DLGAP1: variants seen among roughly 807,000 people sequenced by gnomAD.
The protein encoded by DLGAP1 is DLG associated protein 1.
In DLGAP1, 11 loss-of-function variants were observed where a neutral mutation model predicts 90.8. That is an observed-to-expected ratio of 0.12 (90% confidence interval 0.08 to 0.20). The LOEUF (loss-of-function observed/expected upper bound fraction) is 0.20. Ranked by LOEUF, DLGAP1 falls within the 10% of genes least tolerant of loss-of-function variation. The pLI is 1.00. For missense variants in DLGAP1, 1,050 were observed against 1,333.8 expected, an observed-to-expected ratio of 0.79 and a Z score of 3.31; for synonymous variants, 558 against 540.7, an observed-to-expected ratio of 1.03 and a Z score of -0.44.
chr18:3,863,613 C>T (rs992102035), intron 4 of DLGAP1, among the ~76,000 whole-genome samples: 2 of 152,224 alleles, frequency 1.3e-5, no homozygotes, highest in Admixed American at 6.5e-5. Context: ...CTATCCACAG[C>T]GTCCATGCCA....
At chr18:3,692,600 G>A (rs777052947) in intron 7 of DLGAP1, among the ~76,000 whole-genome samples, 19 of 151,548 alleles carry the variant, frequency 1.3e-4, no homozygotes, top group Non-Finnish European at 2.7e-4. Context: ...CCCTGTTTCT[G>A]CAAGCGAGGG....
intron 10 of DLGAP1, among the ~76,000 whole-genome samples, chr18:3,513,821 A>C (rs1419291601): frequency 6.6e-6 from 1 of 152,182 alleles, no homozygotes. Flanking sequence ...TTTAGAAGAG[A>C]GCATACCTCC....
rs77346262 is a variant in DLGAP1 at position 4,380,980 on chromosome 18, C to G, written c.-267+74026G>C. ...GTGAGGCACACCCTATTTTCACATT[C>G]GAGGAGCTTTAGCTGACAATCAAGA... On this transcript the variant is annotated intron_variant, in intron 1 of 12. Coordinates refer to ENST00000315677, the MANE Select transcript of DLGAP1 (RefSeq NM_004746.4). Among the ~76,000 whole-genome samples, 781 of 152,260 alleles carry G rather than the reference C, an allele frequency of 5.1e-3. 4 individuals are homozygous for G. Among genetic ancestry groups the G allele is most frequent in the Middle Eastern group, 0.02 (6 of 294 alleles).
intron 1 of DLGAP1, among the ~76,000 whole-genome samples, chr18:4,214,326 T>TG (rs2077907608): frequency 6.9e-6 from 1 of 145,616 alleles, no homozygotes; most frequent in Admixed American, 6.9e-5. Flanking sequence ...TTTTTTTTGG[T>TG]GGGGGGAAAA....
intron 3 of DLGAP1, among the ~76,000 whole-genome samples, chr18:3,933,635 C>G (rs1182388937): frequency 6.6e-6 from 1 of 152,174 alleles, no homozygotes; most frequent in Non-Finnish European, 1.5e-5. Flanking sequence ...TTCCTGAAAG[C>G]CTAGCCCTCC....
chr18:3,675,004 C>T (rs949035088), intron 7 of DLGAP1, among the ~76,000 whole-genome samples: 6 of 151,450 alleles, frequency 4.0e-5, no homozygotes, highest in African/African-American at 7.3e-5. Context: ...CTATCAGTAC[C>T]GAGTCCACCA....
At chr18:4,397,997 T>C (rs574745160) in intron 1 of DLGAP1, among the ~76,000 whole-genome samples, 24 of 152,330 alleles carry the variant, frequency 1.6e-4, no homozygotes, top group Non-Finnish European at 3.2e-4. Flanking sequence ...TAATTCTAAA[T>C]AGAGAATGGA....
intron 7 of DLGAP1, among the ~76,000 whole-genome samples, chr18:3,587,389 G>A (rs1384658124): frequency 6.6e-6 from 1 of 152,146 alleles, no homozygotes; most frequent in Non-Finnish European, 1.5e-5. Context: ...GACTTCCTGG[G>A]TCGAGTGGGG....
chr18:3,681,899 C>T (rs1017287225), intron 7 of DLGAP1, among the ~76,000 whole-genome samples: 1 of 152,022 alleles, frequency 6.6e-6, no homozygotes, highest in African/African-American at 2.4e-5. Context: ...GGGTGGATCA[C>T]TTGAGGTCAG....
At chr18:4,452,289 C>T (rs550675437) in intron 1 of DLGAP1, among the ~76,000 whole-genome samples, 18 of 151,930 alleles carry the variant, frequency 1.2e-4, no homozygotes, top group Non-Finnish European at 2.1e-4. Flanking sequence ...TGAAATATTA[C>T]GAGATCAGAA....
At chr18:3,723,393 AG>A (rs2147371746) in intron 7 of DLGAP1, among the ~76,000 whole-genome samples, 1 of 152,334 alleles carries the variant, frequency 6.6e-6, no homozygotes, top group South Asian at 2.1e-4. Flanking sequence ...TATTTTCCCT[AG>A]GAAAGTCAGC....
At position 3,873,513 on chromosome 18, in the gene DLGAP1, A is replaced by G. The variant is rs577573487; in HGVS notation, c.957+5599T>C. Reference sequence around the variant, plus strand: ...TCCCAGTAGCCAAAGTCATTAGCAGAACTGTTCAGCACTTTCATAAATTGC... The same window carrying G: ...TCCCAGTAGCCAAAGTCATTAGCAGGACTGTTCAGCACTTTCATAAATTGC... On this transcript the variant is annotated intron_variant, in intron 4 of 12. Transcript: ENST00000315677. 2.6e-5 allele frequency among the ~76,000 whole-genome samples: 4 copies of G among 152,304 alleles called. No individual in the cohort carries two copies. In the East Asian group the frequency reaches 7.7e-4, roughly 29 times the overall value.
At chr18:3,562,728 G>A (rs2054211195) in intron 9 of DLGAP1, among the ~76,000 whole-genome samples, 2 of 146,598 alleles carry the variant, frequency 1.4e-5, no homozygotes, top group Non-Finnish European at 3.0e-5. Flanking sequence ...TTTTTTTTGA[G>A]ACTAAGTCTC....
chr18:4,263,264 A>G (rs1203663685), intron 1 of DLGAP1, among the ~76,000 whole-genome samples: 1 of 152,174 alleles, frequency 6.6e-6, no homozygotes, highest in Non-Finnish European at 1.5e-5. Flanking sequence ...ACGCATTTTC[A>G]TACTGAGTGG....
At chr18:4,436,566 C>G (rs2083402759) in intron 1 of DLGAP1, among the ~76,000 whole-genome samples, 1 of 151,904 alleles carries the variant, frequency 6.6e-6, no homozygotes, top group Non-Finnish European at 1.5e-5. Flanking sequence ...TAAACACATT[C>G]ATGCCTGAGC....
At chr18:4,168,255 A>G (rs1386289710) in intron 1 of DLGAP1, among the ~76,000 whole-genome samples, 2 of 152,318 alleles carry the variant, frequency 1.3e-5, no homozygotes, top group African/African-American at 4.8e-5. Flanking sequence ...ATTCTATGAA[A>G]CAGAACAGGA....
At chr18:3,816,022 G>C (rs2067087240) in intron 4 of DLGAP1, among the ~76,000 whole-genome samples, 1 of 152,140 alleles carries the variant, frequency 6.6e-6, no homozygotes, top group Non-Finnish European at 1.5e-5. Flanking sequence ...TTAATATTTT[G>C]ATGTTAACTA....
intron 3 of DLGAP1, among the ~76,000 whole-genome samples, chr18:3,974,553 G>T (rs1254699825): frequency 6.6e-6 from 1 of 152,168 alleles, no homozygotes; most frequent in East Asian, 1.9e-4. Context: ...TCATGGGTTT[G>T]CTTCACTCTC....
chr18:3,679,607 T>C (rs930377568), intron 7 of DLGAP1, among the ~76,000 whole-genome samples: 6 of 148,958 alleles, frequency 4.0e-5, no homozygotes, highest in Middle Eastern at 6.8e-3. Context: ...TATGGGCTAC[T>C]AGATAGGGCC....
Sources: gnomAD v4.1 joint callset for allele counts (sites outside exome capture counted in the v4.1 genomes callset) on GRCh38, gnomAD v4.1.1 for gene constraint, MANE v1.5 for transcripts, NCBI Gene and HGNC (gene_info 2026-07-23, HGNC 2026-07-21) for gene names.